Variants in CHST12 observed in about 807,000 individuals in gnomAD.
The protein encoded by CHST12 is carbohydrate sulfotransferase 12, also known as carbohydrate (chondroitin 4) sulfotransferase 12.
A neutral mutation model predicts 27.9 loss-of-function variants in CHST12; 23 were observed. That is an observed-to-expected ratio of 0.82 (90% CI 0.59 to 1.17). CHST12 has a LOEUF of 1.17. CHST12 is among the 50% of genes most tolerant of loss of function. The pLI, the probability that CHST12 is intolerant of heterozygous loss-of-function variation, is 0.00. For missense variants in CHST12, 682 were observed against 603.0 expected (o/e 1.13, Z -1.37); for synonymous variants, 322 against 273.0 (o/e 1.18, Z -1.77).
At position 2,443,968 on chromosome 7, in the gene CHST12, G is replaced by C. The variant is rs966721661; in HGVS notation, c.*10084G>C. 5.9e-5 allele frequency: 9 copies of C among 151,970 alleles called. No individual in the cohort carries two copies. Among genetic ancestry groups the C allele is most frequent in the African/African-American group, 2.2e-4 (9 of 41,336 alleles). The allele number at this position is 151,970 out of a possible 1,614,324, so 9.4% of individuals were successfully genotyped here. A position where few individuals can be genotyped will look rare whatever the true frequency, so the allele number is the denominator to read the frequency against. On this transcript the variant is annotated 3_prime_UTR_variant, in exon 2 of 2. Coordinates refer to ENST00000618655, the MANE Select transcript of CHST12 (RefSeq NM_018641.5). ...GTTCAACACCAGCCTGGCCAACATG[G>C]TGAAACCCCGTCTCTATTAAAAATA...
chr7:2,425,302 G>A (rs1782083594), intron 1 of CHST12, among the ~76,000 whole-genome samples: 1 of 151,998 alleles, frequency 6.6e-6, no homozygotes, highest in South Asian at 2.1e-4. Flanking sequence ...CAAGACAGGT[G>A]TGGACACAAC....
chr7:2,420,175 G>A (rs574799091), intron 1 of CHST12, among the ~76,000 whole-genome samples: 5 of 151,392 alleles, frequency 3.3e-5, no homozygotes, highest in East Asian at 1.9e-4. Context: ...GGGTTTCACC[G>A]TGTTAGCCAG....
At chr7:2,412,075 C>T (rs578234725) in intron 1 of CHST12, among the ~76,000 whole-genome samples, 2 of 152,330 alleles carry the variant, frequency 1.3e-5, no homozygotes, top group South Asian at 4.1e-4. Context: ...AGGGAAGTTA[C>T]TTTACTTCAA....
At chr7:2,412,302 C>A (rs1024988640) in intron 1 of CHST12, among the ~76,000 whole-genome samples, 2 of 152,114 alleles carry the variant, frequency 1.3e-5, no homozygotes, top group African/African-American at 4.8e-5. Flanking sequence ...AATGTAGTAC[C>A]ACTGTGTGTA....
At chr7:2,413,255 A>C (rs536845501) in intron 1 of CHST12, among the ~76,000 whole-genome samples, 1 of 152,274 alleles carries the variant, frequency 6.6e-6, no homozygotes, top group Admixed American at 6.5e-5. Context: ...GGAACTCTGC[A>C]CTGGTGTTTT....
chr7:2,428,608 G>T (rs1242231629), intron 1 of CHST12, among the ~76,000 whole-genome samples: 1 of 152,052 alleles, frequency 6.6e-6, no homozygotes, highest in Non-Finnish European at 1.5e-5. Flanking sequence ...GGGATTTAGG[G>T]TCATTTGATT....
Position 2,445,258 on chromosome 7 carries a change from G to A in CHST12, c.*11374G>A, listed in dbSNP as rs1782720304. 6.6e-6 allele frequency: 1 copy of A among 152,308 alleles called. No individual in the cohort carries two copies. Among genetic ancestry groups the A allele is most frequent in the African/African-American group, 2.4e-5 (1 of 41,456 alleles). 9.4% of individuals were successfully genotyped at this position (152,308 alleles called of 1,614,324 possible). On this transcript the variant is annotated 3_prime_UTR_variant, in exon 2 of 2. Transcript: ENST00000618655. ...GGGTGGGCAGGGCCACCCTTGTCCT[G>A]GGATGTTGTGGAGGACTTGGCACGC...
intron 1 of CHST12, among the ~76,000 whole-genome samples, chr7:2,413,580 T>C (rs1415784142): frequency 6.6e-6 from 1 of 152,140 alleles, no homozygotes; most frequent in Non-Finnish European, 1.5e-5. Flanking sequence ...TTAAATGTCA[T>C]ATAAATGGAA....
Position 2,446,678 on chromosome 7 carries a change from TA to T in CHST12, c.*12796del, listed in dbSNP as rs1782761510. ...CCGAGCACCTTGGAGATGTCATTTCTAACATTTTAACCCAGGAATCCCCCCA... is the reference window on the plus strand; with the variant it reads ...CCGAGCACCTTGGAGATGTCATTTCTACATTTTAACCCAGGAATCCCCCCA... On this transcript the variant is annotated 3_prime_UTR_variant, in exon 2 of 2. Coordinates refer to ENST00000618655, the MANE Select transcript of CHST12 (RefSeq NM_018641.5). 1 of 153,002 alleles carries T rather than the reference TA, an allele frequency of 6.5e-6. No individual in the cohort carries two copies. The highest frequency in any genetic ancestry group is 6.5e-5 in the Admixed American group (1 of 15,282). The allele number at this position is 153,002 out of a possible 1,614,324, so 9.5% of individuals were successfully genotyped here. A position where few individuals can be genotyped will look rare whatever the true frequency, so the allele number is the denominator to read the frequency against.
At chr7:2,411,762 G>A (rs1466636397) in intron 1 of CHST12, among the ~76,000 whole-genome samples, 1 of 152,206 alleles carries the variant, frequency 6.6e-6, no homozygotes, top group Non-Finnish European at 1.5e-5. Context: ...GATTACAGGC[G>A]TGAGCCACTG....
intron 1 of CHST12, among the ~76,000 whole-genome samples, chr7:2,428,533 C>T (rs921784223): frequency 6.6e-5 from 10 of 152,090 alleles, no homozygotes; most frequent in East Asian, 3.8e-4. Flanking sequence ...CCTGCGATGC[C>T]GCCAATGCAC....
chr7:2,427,001 AAGAG>A lies in CHST12; in HGVS notation c.-77-5548_-77-5545del, dbSNP rs371145369. Among the ~76,000 whole-genome samples, 605 of 149,606 alleles carry A rather than the reference AAGAG, an allele frequency of 4.0e-3. 13 individuals are homozygous for A. Among genetic ancestry groups the A allele is most frequent in the African/African-American group, 9.9e-3 (403 of 40,676 alleles). On this transcript the variant is annotated intron_variant, in intron 1 of 1. Coordinates refer to ENST00000618655, the MANE Select transcript of CHST12 (RefSeq NM_018641.5). Reference sequence around the variant, plus strand: ...GCGAGACCCTGTCTCACAAAAGAAAAAGAGAGAGAGAGAGAGACATATAAATGAA... The same window carrying A: ...GCGAGACCCTGTCTCACAAAAGAAAAAGAGAGAGAGAGACATATAAATGAA...
rs1782467789 is a variant in CHST12, at chr7:2,436,145, T to A, written c.*2261T>A. ...AGTTTTTTATTATGATAAAAATGTT[T>A]AATTTTAAACGTACCATCTTAACCA... On this transcript the variant is annotated 3_prime_UTR_variant, in exon 2 of 2. Coordinates refer to ENST00000618655, the MANE Select transcript of CHST12 (RefSeq NM_018641.5). 6.6e-6 allele frequency: 1 copy of A among 152,244 alleles called. No homozygotes were observed. Among genetic ancestry groups the A allele is most frequent in the Non-Finnish European group, 1.5e-5 (1 of 68,066 alleles). 9.4% of individuals were successfully genotyped at this position (152,244 alleles called of 1,614,324 possible).
chr7:2,424,426 G>A (rs1782053592), intron 1 of CHST12, among the ~76,000 whole-genome samples: 1 of 152,166 alleles, frequency 6.6e-6, no homozygotes, highest in Admixed American at 6.6e-5. Context: ...CATGAACTTT[G>A]AGGTTCATTT....
At chr7:2,421,227 CTTTTT>C (rs60332594) in intron 1 of CHST12, among the ~76,000 whole-genome samples, 1 of 92,010 alleles carries the variant, frequency 1.1e-5, no homozygotes, top group African/African-American at 4.3e-5. Flanking sequence ...CCTGCTAATT[CTTTTT>C]TTTTTTTTTT....
At chr7:2,408,174 A>C (rs558671476) in intron 1 of CHST12, among the ~76,000 whole-genome samples, 3 of 152,134 alleles carry the variant, frequency 2.0e-5, no homozygotes, top group African/African-American at 7.2e-5. Flanking sequence ...GTTTGAGACC[A>C]GCCTGGCCAA....
rs2115466849 is a variant in CHST12, at chr7:2,443,497, G to C, written c.*9613G>C. The C allele has an allele frequency of 6.6e-6, 1 of 152,376 alleles. No individual in the cohort carries two copies. The highest frequency in any genetic ancestry group is 2.4e-5 in the African/African-American group (1 of 41,554). The allele number at this position is 152,376 out of a possible 1,614,324, so 9.4% of individuals were successfully genotyped here. A position where few individuals can be genotyped will look rare whatever the true frequency, so the allele number is the denominator to read the frequency against. ...CAGTCCCTGGTGCCAAAAAGGTTGG[G>C]GACCGCGGCTCTGGAGTATATGCCT... On this transcript the variant is annotated 3_prime_UTR_variant, in exon 2 of 2. Transcript: ENST00000618655.
rs187795337 is a variant in CHST12, at chr7:2,423,327, G to A, written c.-77-9236G>A. On this transcript the variant is annotated intron_variant, in intron 1 of 1. Coordinates refer to ENST00000618655, the MANE Select transcript of CHST12 (RefSeq NM_018641.5). ...GCTGTAAAATCGTGTGGTTATAACC[G>A]TTCAGAGGGTATTGAAAGCTGGTAC... is the stretch of plus-strand genomic sequence containing the variant. 4.0e-3 allele frequency among the ~76,000 whole-genome samples: 605 copies of A among 152,112 alleles called. 1 individual carries two copies. Among genetic ancestry groups the A allele is most frequent in the African/African-American group, 0.014 (564 of 41,514 alleles).
chr7:2,424,813 T>C (rs1179738658), intron 1 of CHST12, among the ~76,000 whole-genome samples: 1 of 151,984 alleles, frequency 6.6e-6, no homozygotes, highest in Non-Finnish European at 1.5e-5. Context: ...CCCACAGAGC[T>C]CCCCTTCCAC....
Sources: allele counts gnomAD v4.1 joint callset (sites outside exome capture counted in the v4.1 genomes callset), GRCh38; gene constraint gnomAD v4.1.1; transcripts MANE v1.5; gene names NCBI Gene and HGNC (gene_info 2026-07-23, HGNC 2026-07-21).